CEP120: variants seen among roughly 807,000 people sequenced by gnomAD.
CEP120 encodes centrosomal protein of 120 kDa.
CEP120 carries 113 observed loss-of-function variants against 126.5 expected under a neutral mutation model. That is an observed-to-expected ratio of 0.89 (90% CI 0.77 to 1.04). The LOEUF is 1.04. CEP120 is among the 50% of genes least tolerant of loss of function. The pLI, the probability that CEP120 is intolerant of heterozygous loss-of-function variation, is 0.00. For missense variants in CEP120, 1,230 were observed against 1,155.7 expected, an observed-to-expected ratio of 1.06 and a Z score of -0.93; for synonymous variants, 400 against 394.3, an observed-to-expected ratio of 1.01 and a Z score of -0.17.
At chr5:123,403,254 A>G (rs758479758) in intron 4 of CEP120, 3 of 455,314 alleles carry the variant, frequency 6.6e-6, no homozygotes, top group South Asian at 4.7e-5. Flanking sequence ...ATCATTCTTT[A>G]CCGAAAGGAA....
At chr5:123,349,713 T>A (rs1458631722) in intron 19 of CEP120, among the ~76,000 whole-genome samples, 1 of 151,998 alleles carries the variant, frequency 6.6e-6, no homozygotes, top group African/African-American at 2.4e-5. Flanking sequence ...TGATCACAGC[T>A]CACTGCAGCC....
chr5:123,418,299 T>C, intron 2 of CEP120, 60 bp downstream of exon 2: 2 of 1,449,076 alleles, frequency 1.4e-6, no homozygotes, highest in Non-Finnish European at 1.9e-6. Context: ...ACTGTATTTA[T>C]TTATAACAGC....
chr5:123,362,606 C>T (rs903181812), intron 18 of CEP120, among the ~76,000 whole-genome samples: 1 of 151,736 alleles, frequency 6.6e-6, no homozygotes, highest in East Asian at 1.9e-4. Flanking sequence ...TTCTGAAGGG[C>T]TCAGTGTTAC....
intron 14 of CEP120, among the ~76,000 whole-genome samples, chr5:123,381,302 G>C (rs766237385): frequency 6.6e-6 from 1 of 152,092 alleles, no homozygotes; most frequent in Non-Finnish European, 1.5e-5. Context: ...CAATCTTGCT[G>C]AGCTGAGAAA....
intron 4 of CEP120, among the ~76,000 whole-genome samples, chr5:123,409,213 T>A (rs1773882380): frequency 6.6e-6 from 1 of 152,154 alleles, no homozygotes; most frequent in Non-Finnish European, 1.5e-5. Flanking sequence ...AGAAAAAGTA[T>A]TTGACAAAAT....
intron 3 of CEP120, among the ~76,000 whole-genome samples, chr5:123,415,457 C>T (rs138442543): frequency 5.3e-5 from 8 of 152,260 alleles, no homozygotes; most frequent in Admixed American, 2.6e-4. Context: ...GTTAAGCTTC[C>T]GGTAATAGCA....
In CEP120 at chr5:123,377,670, G is replaced by T. The variant is rs935150726; in HGVS notation, c.2197-135C>A. On this transcript the variant is annotated intron_variant, in intron 15 of 19. Transcript: ENST00000306467. The stretch of plus-strand genomic sequence containing the variant: ...ATTTTCATATCTTTTTTAGTTATTA[G>T]AGAGTTAATGTTCAAGTGTACCATT... 2.8e-5 allele frequency: 18 copies of T among 652,316 alleles called. No individual in the cohort carries two copies. In the East Asian group the frequency reaches 5.6e-4, roughly 20 times the overall value. The allele number at this position is 652,316 out of a possible 1,614,324, so 40.4% of individuals were successfully genotyped here. A position where few individuals can be genotyped will look rare whatever the true frequency, so the allele number is the denominator to read the frequency against.
chr5:123,364,794 A>G (rs1308571621), intron 17 of CEP120, among the ~76,000 whole-genome samples, 200 bp from the exon 18 acceptor site: 1 of 151,678 alleles, frequency 6.6e-6, no homozygotes, highest in African/African-American at 2.4e-5. Context: ...TCTTATTTTT[A>G]TTGCCTAACA....
intron 18 of CEP120, among the ~76,000 whole-genome samples, chr5:123,354,838 A>C (rs1769460886): frequency 6.6e-6 from 1 of 151,638 alleles, no homozygotes; most frequent in Admixed American, 6.6e-5. Context: ...ACAACATGCA[A>C]GTTTGTTATA....
At position 123,399,138 on chromosome 5, in the gene CEP120, G is replaced by T. The variant is rs548355953; in HGVS notation, c.610C>A (p.Gln204Lys). Reference protein sequence around the residue: ...VTIAFATQLEQLIPCTMKLPE... With the variant: ...VTIAFATQLEKLIPCTMKLPE... Reference sequence around the variant, plus strand: ...ACCAATCTCATGAAAAGTCTCACCTGTTCCAACTGGGTAGCAAATGCTATG... The same window carrying T: ...ACCAATCTCATGAAAAGTCTCACCTTTTCCAACTGGGTAGCAAATGCTATG... The change falls in exon 5 of 20, where the codon CAG becomes AAG. Residue 204 changes from glutamine to lysine, a missense_variant and splice_region_variant. Coordinates refer to ENST00000306467, the MANE Select transcript of CEP120 (RefSeq NM_001375405.1). The T allele has an allele frequency of 3.2e-4, 512 of 1,604,478 alleles. 6 individuals carry two copies. In the South Asian group the frequency reaches 4.1e-3, roughly 13 times the overall value.
At chr5:123,415,122 G>A (rs1774302398) in intron 3 of CEP120, among the ~76,000 whole-genome samples, 1 of 151,636 alleles carries the variant, frequency 6.6e-6, no homozygotes, top group African/African-American at 2.4e-5. Flanking sequence ...CATCAACTGT[G>A]TTTCAATAAG....
At position 123,382,200 on chromosome 5, in the gene CEP120, G is replaced by T. The variant is rs1245691908; in HGVS notation, c.2014C>A (p.Leu672Met). Residue 672 changes from leucine to methionine, a missense_variant and splice_region_variant, in exon 14 of 20, where the codon CTG becomes ATG. By Grantham distance (15) the Leu-to-Met change is conservative (BLOSUM62 2). Transcript: ENST00000306467. ...ATATGAGCCAGTTCTTTCTGCTTCA[G>T]CTACAAAAGGAAGAAAAATAAAGTC... The part of the protein sequence containing the change: ...EMQEDIFENQ[L>M]KQKELAHMQA... 19 of 1,592,680 alleles carry T rather than the reference G, an allele frequency of 1.2e-5. No individual in the cohort carries two copies. The highest frequency in any genetic ancestry group is 1.5e-5 in the Non-Finnish European group (17 of 1,169,924).
chr5:123,386,648 CA>C lies in CEP120; in HGVS notation c.1449del (p.Phe483LeufsTer8). 1 of 960,466 alleles carries C rather than the reference CA, an allele frequency of 1.0e-6. No homozygotes were observed. Among genetic ancestry groups the C allele is most frequent in the Non-Finnish European group, 1.5e-6 (1 of 684,744 alleles). The allele number at this position is 960,466 out of a possible 1,614,324, so 59.5% of individuals were successfully genotyped here. A position where few individuals can be genotyped will look rare whatever the true frequency, so the allele number is the denominator to read the frequency against. On this transcript the variant is annotated frameshift_variant, in exon 10 of 20. Coordinates refer to ENST00000306467, the MANE Select transcript of CEP120 (RefSeq NM_001375405.1). LOFTEE classifies it high-confidence loss of function. ...NCILRYSYPF[F>X]GSAAPIMTNP... ...TTAGTCATAATAGGAGCTGCACTTC[CA>C]AAGAATGGATATGAGTACCTAGAAT...
chr5:123,412,553 A>G lies in CEP120; in HGVS notation c.322-13T>C. 1 of 1,575,136 alleles carries G rather than the reference A, an allele frequency of 6.3e-7. No homozygotes were observed. Among genetic ancestry groups the G allele is most frequent in the Non-Finnish European group, 8.6e-7 (1 of 1,160,566 alleles). On this transcript the variant is annotated splice_polypyrimidine_tract_variant and intron_variant, in intron 3 of 19. Coordinates refer to ENST00000306467, the MANE Select transcript of CEP120 (RefSeq NM_001375405.1). ...ACCATTTTGGTGCCTAGAGAATAATAAAATAACAAAACACCTAATAGTTAA... is the reference window on the plus strand; with the variant it reads ...ACCATTTTGGTGCCTAGAGAATAATGAAATAACAAAACACCTAATAGTTAA...
chr5:123,352,415 C>T (rs1220381756), intron 18 of CEP120, among the ~76,000 whole-genome samples: 1 of 151,818 alleles, frequency 6.6e-6, no homozygotes, highest in African/African-American at 2.4e-5. Context: ...CACTTTTTGC[C>T]CATGTAGAGC....
chr5:123,417,157 A>G (rs1774437273), intron 2 of CEP120, among the ~76,000 whole-genome samples: 1 of 152,206 alleles, frequency 6.6e-6, no homozygotes, highest in African/African-American at 2.4e-5. Flanking sequence ...TGGAAGCCCT[A>G]ACAGCTCATA....
chr5:123,361,656 T>TGTC (rs1468567034), intron 18 of CEP120, among the ~76,000 whole-genome samples: 1 of 151,800 alleles, frequency 6.6e-6, no homozygotes, highest in African/African-American at 2.4e-5. Flanking sequence ...TTAAGAATTC[T>TGTC]GTCAGTCACA....
rs772146880 is a variant in CEP120 at position 123,382,792 on chromosome 5, G to T, written c.1958C>A (p.Ala653Glu). 1 of 1,613,368 alleles carries T rather than the reference G, an allele frequency of 6.2e-7. No individual in the cohort carries two copies. The highest frequency in any genetic ancestry group is 8.5e-7 in the Non-Finnish European group (1 of 1,179,634). ...TEPRETLEYK[A>E]ALELEMWKEM... ...CTTCCACATTTCTAGCTCAAGTGCT[G>T]CTTTGTATTCTAACGTTTCACGAGG... The change falls in exon 13 of 20, where the codon GCA becomes GAA. Residue 653 changes from alanine to glutamate, a missense_variant. By Grantham distance (107) the Ala-to-Glu change is moderately radical. Coordinates refer to ENST00000306467, the MANE Select transcript of CEP120 (RefSeq NM_001375405.1).
intron 6 of CEP120, among the ~76,000 whole-genome samples, chr5:123,392,030 G>A (rs1443527229): frequency 1.3e-5 from 2 of 151,892 alleles, no homozygotes; most frequent in Non-Finnish European, 2.9e-5. Flanking sequence ...TGAAGCCTTA[G>A]CAAACTTAGT....
Sources: allele counts gnomAD v4.1 joint callset (sites outside exome capture counted in the v4.1 genomes callset), GRCh38; gene constraint gnomAD v4.1.1; transcripts MANE v1.5; gene names NCBI Gene and HGNC (gene_info 2026-07-23, HGNC 2026-07-21).